Variants in EOLA1 observed in about 807,000 individuals in gnomAD.
EOLA1 encodes endothelium and lymphocyte associated ASCH domain 1.
Under a neutral mutation model 4.5 loss-of-function variants are expected in EOLA1, and 1 was observed. That is an observed-to-expected ratio of 0.22 (90% CI 0.08 to 1.05). EOLA1 has a LOEUF of 1.05. Ranked by LOEUF, EOLA1 falls within the 50% of genes least tolerant of loss-of-function variation. The probability of loss-of-function intolerance (pLI) is 0.57; values close to 1 mark genes in which losing one functional copy is unlikely to be tolerated. For missense variants in EOLA1, 69 were observed against 127.2 expected (o/e 0.54, Z 2.20); for synonymous variants, 37 against 52.3 (o/e 0.71, Z 1.26).
At chrX:149,542,154 A>C (rs2089741878) in intron 2 of EOLA1, 69 bp downstream of exon 2, 8 of 402,663 alleles carry the variant, frequency 2.0e-5, no homozygotes, top group Non-Finnish European at 2.5e-5. Context: ...TTCCACATAC[A>C]CACAGTTGGC....
At chrX:149,545,189 G>A (rs2089815671) in intron 2 of EOLA1, 179 bp from the exon 3 acceptor site, 4 of 563,162 alleles carry the variant, frequency 7.1e-6, no homozygotes, top group Non-Finnish European at 8.6e-6. Flanking sequence ...CACAGCAGGG[G>A]AAAGGGAAGA....
chrX:149,545,220 C>A (rs1405976948), intron 2 of EOLA1, 148 bp from the exon 3 acceptor site: 1 of 667,673 alleles, frequency 1.5e-6, no homozygotes, highest in Non-Finnish European at 1.8e-6. Context: ...GTGGGACTCT[C>A]CCTCTGTGCT....
intron 4 of EOLA1, among the ~76,000 whole-genome samples, chrX:149,546,154 ATGGTGTTTG>A (rs1369123763): frequency 3.4e-3 from 363 of 107,888 alleles, no homozygotes; most frequent in African/African-American, 0.012. Flanking sequence ...CCATGTGCAC[ATGGTGTTTG>A]TGGTGTTTGG....
In EOLA1 at chrX:149,545,409, G is replaced by T. The variant is rs1267589845; in HGVS notation, c.-121G>T. On this transcript the variant is annotated 5_prime_UTR_variant, in exon 3 of 5. Transcript: ENST00000393985. ...CCGGACCGCCCCAAAGACTCCATGG[G>T]ATGGACCTGAGTCAGCCGAATCCCA... The T allele has an allele frequency of 1.9e-6, 2 of 1,078,942 alleles. No individual in the cohort carries two copies. Among genetic ancestry groups the T allele is most frequent in the Non-Finnish European group, 2.4e-6 (2 of 835,226 alleles). The allele number at this position is 1,078,942 out of a possible 1,213,427, so 88.9% of individuals were successfully genotyped here.
intron 2 of EOLA1, among the ~76,000 whole-genome samples, chrX:149,543,936 A>G (rs1364820860): frequency 2.2e-5 from 1 of 44,870 alleles, no homozygotes; most frequent in African/African-American, 9.6e-5. Context: ...GAGGCCGGCC[A>G]TGGGTGCTTG....
Position 149,548,185 on chromosome X carries a change from A to G in EOLA1, c.*1223A>G, listed in dbSNP as rs1407627048. The G allele has an allele frequency of 1.6e-5, 6 of 375,766 alleles. No homozygotes were observed. The highest frequency in any genetic ancestry group is 2.4e-5 in the Non-Finnish European group (6 of 249,197). 31.0% of individuals were successfully genotyped at this position (375,766 alleles called of 1,213,427 possible). On this transcript the variant is annotated 3_prime_UTR_variant, in exon 5 of 5. Coordinates refer to ENST00000393985, the MANE Select transcript of EOLA1 (RefSeq NM_001171907.3). Reference sequence around the variant, plus strand: ...GCCAATGAGATGTATATAATATACAAGGTTAAAAAAAACACAGACAACAGT... The same window carrying G: ...GCCAATGAGATGTATATAATATACAGGGTTAAAAAAAACACAGACAACAGT...
intron 2 of EOLA1, 62 bp downstream of exon 2, chrX:149,542,147 C>T (rs782417900): frequency 2.4e-6 from 1 of 419,740 alleles, no homozygotes; most frequent in East Asian, 1.9e-4. Context: ...CTAGGGATTC[C>T]ACATACACAC....
Position 149,548,302 on chromosome X carries a change from T to G in EOLA1, c.*1340T>G. The stretch of plus-strand genomic sequence containing the variant: ...TGTTTCTCATTAAAAAATGGCAACT[T>G]TTATGGGCCATTAGTGGCCTGTGAC... On this transcript the variant is annotated 3_prime_UTR_variant, in exon 5 of 5. Transcript: ENST00000393985. 1.1e-6 allele frequency: 1 copy of G among 916,736 alleles called. No homozygotes were observed. Among genetic ancestry groups the G allele is most frequent in the Non-Finnish European group, 1.4e-6 (1 of 737,538 alleles). 75.5% of individuals were successfully genotyped at this position (916,736 alleles called of 1,213,427 possible). A position where few individuals can be genotyped will look rare whatever the true frequency, so the allele number is the denominator to read the frequency against.
rs1557347589 is a variant in EOLA1 at position 149,545,676 on chromosome X, G to A, written c.46G>A (p.Val16Ile). 1.7e-6 allele frequency: 2 copies of A among 1,210,469 alleles called. No individual in the cohort carries two copies. The highest frequency in any genetic ancestry group is 3.5e-5 in the African/African-American group (2 of 57,443). Residue 16 changes from valine (V) to isoleucine (I), a missense_variant, in exon 4 of 5, where the codon GTC becomes ATC. Coordinates refer to ENST00000393985, the MANE Select transcript of EOLA1 (RefSeq NM_001171907.3). ...LSFRQPYAGF[V>I]LNGIKTVETR... is the part of the protein sequence containing the mutation. ...CTTCCGGCAGCCTTATGCTGGCTTT[G>A]TCTTAAATGGAATCAAGACTGTGGA...
Position 149,547,381 on chromosome X carries a change from A to G in EOLA1, c.*419A>G. On this transcript the variant is annotated 3_prime_UTR_variant, in exon 5 of 5. Coordinates refer to ENST00000393985, the MANE Select transcript of EOLA1 (RefSeq NM_001171907.3). ...CTGGTCAAAACTCATCAAATGTGTA[A>G]CTAGCATCCAGGCGACAATACAGAA... The G allele has an allele frequency of 1.3e-6, 1 of 778,214 alleles. No homozygotes were observed. Among genetic ancestry groups the G allele is most frequent in the Non-Finnish European group, 1.5e-6 (1 of 653,773 alleles). 64.1% of individuals were successfully genotyped at this position (778,214 alleles called of 1,213,427 possible). A position where few individuals can be genotyped will look rare whatever the true frequency, so the allele number is the denominator to read the frequency against.
chrX:149,541,010 G>C (rs1171708942), upstream of EOLA1: 2 of 113,066 alleles, frequency 1.8e-5, no homozygotes, highest in East Asian at 5.6e-4. Flanking sequence ...CTGTATGAAA[G>C]CGGAAGAGTT....
upstream of EOLA1, chrX:149,540,831 G>GCGTGCGTA (rs1181033189): frequency 1.8e-5 from 2 of 112,500 alleles, no homozygotes; most frequent in African/African-American, 6.5e-5. Context: ...AGCAGCCAGG[G>GCGTGCGTA]CGTGCGTACG....
intron 2 of EOLA1, chrX:149,545,077 G>T (rs1250556192): frequency 2.9e-6 from 2 of 687,873 alleles, no homozygotes; most frequent in South Asian, 7.4e-5. Context: ...ACAGAGCTGA[G>T]ATTGGATATC....
chrX:149,542,258 C>T (rs1336236725), intron 2 of EOLA1, among the ~76,000 whole-genome samples, 173 bp downstream of exon 2: 5 of 111,926 alleles, frequency 4.5e-5, no homozygotes, highest in African/African-American at 1.6e-4. Context: ...CCATTTATCC[C>T]GATGGAAGTG....
chrX:149,548,342 G>A, downstream of EOLA1: 2 of 932,988 alleles, frequency 2.1e-6, no homozygotes, highest in African/African-American at 2.0e-5. Flanking sequence ...CGAATTTGCA[G>A]TGTTTCTGAA....
intron 2 of EOLA1, chrX:149,544,672 T>C (rs1203069569): frequency 1.2e-4 from 90 of 751,315 alleles, no homozygotes; most frequent in East Asian, 1.5e-4. Context: ...CCGTCCTCCA[T>C]GCAAGAGGAG....
At chrX:149,544,119 G>A (rs782551994) in intron 2 of EOLA1, among the ~76,000 whole-genome samples, 30 of 50,745 alleles carry the variant, frequency 5.9e-4, no homozygotes, top group African/African-American at 2.4e-3. Context: ...TGGGAGGCGC[G>A]CGTGTGCTCA....
intron 2 of EOLA1, 159 bp from the exon 3 acceptor site, chrX:149,545,209 G>A (rs11117532): frequency 1.6e-6 from 1 of 611,611 alleles, no homozygotes; most frequent in East Asian, 1.7e-4. Flanking sequence ...AGAAGCAGAG[G>A]GTGGGACTCT....
At chrX:149,549,116 C>T (rs1440150156), downstream of EOLA1, among the ~76,000 whole-genome samples, 1 of 111,690 alleles carries the variant, frequency 9.0e-6, no homozygotes, top group Non-Finnish European at 1.9e-5. Flanking sequence ...TGATATTAAA[C>T]TGCAACCCCG....
Sources: allele counts gnomAD v4.1 joint callset (sites outside exome capture counted in the v4.1 genomes callset), GRCh38; gene constraint gnomAD v4.1.1; transcripts MANE v1.5; gene names NCBI Gene and HGNC (gene_info 2026-07-23, HGNC 2026-07-21).